The following PRRC2B variants were observed in gnomAD, a reference collection of about 807,000 sequenced individuals.
PRRC2B encodes the protein protein PRRC2B.
A neutral mutation model predicts 242.3 loss-of-function variants in PRRC2B; 68 were observed. The ratio of observed to expected loss-of-function variants is 0.28; its 90% CI spans 0.23 to 0.34. PRRC2B has a LOEUF of 0.34. PRRC2B is among the 10% of genes least tolerant of loss of function. PRRC2B has a pLI of 1.00. For missense variants in PRRC2B, 2,835 were observed against 2,954.8 expected (o/e 0.96, Z 0.94); for synonymous variants, 1,228 against 1,173.6 (o/e 1.05, Z -0.95).
chr9:131,475,946 G>A lies in PRRC2B; in HGVS notation c.3817G>A (p.Asp1273Asn), dbSNP rs201425705. 6.2e-7 allele frequency: 1 copy of A among 1,613,848 alleles called. No homozygotes were observed. The highest frequency in any genetic ancestry group is 1.7e-5 in the Admixed American group (1 of 60,034). The change falls in exon 16 of 32, where the codon GAC (aspartate) becomes AAC (asparagine). Residue 1273 changes from aspartate (D) to asparagine (N), a missense_variant. This residue lies in a region of PRRC2B where 1,536 missense variants were observed against 1,483.1 expected (regional missense o/e 1.04). Coordinates refer to ENST00000683519, the MANE Select transcript of PRRC2B (RefSeq NM_013318.4). ...CGCATTTGGTGGCCGGGGCTTTGAG[G>A]ACAGCCGCGCGGAGGACAAGAGATC... is the stretch of plus-strand genomic sequence containing the variant. ...PDAFGGRGFE[D>N]SRAEDKRSFF...
At chr9:131,394,369 C>T (rs904060092) in intron 1 of PRRC2B, 106 bp downstream of exon 1, 1 of 145,850 alleles carries the variant, frequency 6.9e-6, no homozygotes, top group African/African-American at 2.5e-5. Context: ...GCCGGGGGCC[C>T]GGGGGCCCTG....
intron 1 of PRRC2B, among the ~76,000 whole-genome samples, chr9:131,421,520 T>C (rs1331655230): frequency 1.3e-5 from 2 of 152,200 alleles, no homozygotes; most frequent in Admixed American, 1.3e-4. Flanking sequence ...GGAATCATGA[T>C]TTTTGGTATG....
chr9:131,435,440 C>T (rs1427564750), intron 3 of PRRC2B, among the ~76,000 whole-genome samples: 1 of 151,940 alleles, frequency 6.6e-6, no homozygotes, highest in African/African-American at 2.4e-5. Context: ...CATGTTGAAA[C>T]CCCGTCTCTG....
chr9:131,489,639 C>T lies in PRRC2B; in HGVS notation c.6225+1543C>T, dbSNP rs939580209. Among the ~76,000 whole-genome samples, 6 of 152,280 alleles carry T rather than the reference C, an allele frequency of 3.9e-5. 1 individual carries two copies. In the South Asian group the frequency reaches 1.0e-3, roughly 26 times the overall value. ...CTTTTCAGACTTGCATCTTGCCCCT[C>T]GCTGCCTCCCACCCATGACCTCCCT... On this transcript the variant is annotated intron_variant, in intron 28 of 31. Coordinates refer to ENST00000683519, the MANE Select transcript of PRRC2B (RefSeq NM_013318.4).
chr9:131,435,002 T>TA (rs1268618248), intron 3 of PRRC2B, among the ~76,000 whole-genome samples: 2 of 151,960 alleles, frequency 1.3e-5, no homozygotes, highest in Non-Finnish European at 2.9e-5. Context: ...AGATATGTAT[T>TA]AAAAAAAATT....
intron 4 of PRRC2B, among the ~76,000 whole-genome samples, chr9:131,438,308 T>C (rs1838440763): frequency 6.6e-6 from 1 of 152,162 alleles, no homozygotes; most frequent in Admixed American, 6.5e-5. Context: ...GGTCCTGCTG[T>C]TCTGCATCTG....
intron 31 of PRRC2B, 23 bp from the exon 32 acceptor site, chr9:131,495,717 T>A (rs979418307): frequency 1.3e-6 from 2 of 1,590,818 alleles, no homozygotes; most frequent in African/African-American, 2.7e-5. Flanking sequence ...GTCACTTTGT[T>A]TTTCCCATTC....
chr9:131,451,189 G>A (rs1026829777), intron 9 of PRRC2B, among the ~76,000 whole-genome samples: 23 of 152,148 alleles, frequency 1.5e-4, no homozygotes, highest in Admixed American at 1.5e-3. Context: ...CACAAGATCA[G>A]GAGATTGAGA....
intron 3 of PRRC2B, among the ~76,000 whole-genome samples, chr9:131,433,855 T>C (rs996614187): frequency 3.9e-5 from 6 of 152,250 alleles, no homozygotes; most frequent in Admixed American, 1.3e-4. Flanking sequence ...TGAGCTAGTT[T>C]AGTTATTCAG....
At chr9:131,426,526 A>G (rs1273573469) in intron 1 of PRRC2B, among the ~76,000 whole-genome samples, 1 of 151,788 alleles carries the variant, frequency 6.6e-6, no homozygotes, top group Non-Finnish European at 1.5e-5. Context: ...TGGGACAGCA[A>G]CTCCCTGGAC....
At chr9:131,384,650 C>T (rs889520446) in intron 1 of PRRC2B, among the ~76,000 whole-genome samples, 9 of 149,084 alleles carry the variant, frequency 6.0e-5, no homozygotes, top group East Asian at 6.0e-4. Context: ...GAACTCTTGA[C>T]CTTGTGATCC....
intron 1 of PRRC2B, among the ~76,000 whole-genome samples, chr9:131,373,989 G>A (rs1228043490): frequency 6.6e-6 from 1 of 151,562 alleles, no homozygotes; most frequent in Admixed American, 6.6e-5. Flanking sequence ...AACCCGGGAG[G>A]CGGAGCTTGC....
chr9:131,483,604 A>G (rs1355550082), intron 23 of PRRC2B, among the ~76,000 whole-genome samples, 159 bp downstream of exon 23: 1 of 152,172 alleles, frequency 6.6e-6, no homozygotes, highest in African/African-American at 2.4e-5. Flanking sequence ...GTTCCTGCCC[A>G]GGTTTTGTGA....
At chr9:131,426,337 C>CAAA (rs5900939) in intron 1 of PRRC2B, among the ~76,000 whole-genome samples, 1 of 84,460 alleles carries the variant, frequency 1.2e-5, no homozygotes, top group African/African-American at 4.2e-5. Context: ...AACTCTGTCT[C>CAAA]AAAAAAAAAA....
chr9:131,460,693 C>T (rs1943217261), intron 11 of PRRC2B, among the ~76,000 whole-genome samples: 1 of 152,200 alleles, frequency 6.6e-6, no homozygotes, highest in African/African-American at 2.4e-5. Flanking sequence ...GTAATCTACT[C>T]TCACCTGGTT....
chr9:131,469,051 A>G (rs763316263), intron 13 of PRRC2B, among the ~76,000 whole-genome samples: 1 of 152,136 alleles, frequency 6.6e-6, no homozygotes, highest in Non-Finnish European at 1.5e-5. Flanking sequence ...TTAAGAATAG[A>G]AGGAATTGCC....
chr9:131,399,866 A>G (rs771571918), intron 1 of PRRC2B, among the ~76,000 whole-genome samples: 1 of 152,138 alleles, frequency 6.6e-6, no homozygotes, highest in Non-Finnish European at 1.5e-5. Flanking sequence ...ATTCGTAGAC[A>G]TTTAGATTAT....
chr9:131,482,736 C>T lies in PRRC2B; in HGVS notation c.5202C>T (p.Ser1734=). ...QKDSEQGSGQ[S]KEHRPGPIGN... ...ATTCAGAACAAGGCTCTGGACAGAG[C>T]AAGGAGCACAGACCAGGACCCATCG... Residue 1734 remains serine, a synonymous_variant, in exon 22 of 32, where the codon AGC becomes AGT. Transcript: ENST00000683519. This position sits in a 1 kb window ranked among gnomAD's most constrained non-coding sequence, Gnocchi z 5.2. The T allele has an allele frequency of 6.2e-7, 1 of 1,604,094 alleles. No homozygotes were observed. The highest frequency in any genetic ancestry group is 8.5e-7 in the Non-Finnish European group (1 of 1,175,824).
At chr9:131,436,002 A>G (rs1015999679) in intron 3 of PRRC2B, among the ~76,000 whole-genome samples, 1 of 152,218 alleles carries the variant, frequency 6.6e-6, no homozygotes, top group Non-Finnish European at 1.5e-5. Context: ...TACTATGAGC[A>G]TGTATTTCTT....
Sources: gnomAD v4.1 joint callset for allele counts (sites outside exome capture counted in the v4.1 genomes callset) on GRCh38, gnomAD v4.1.1 for gene constraint, gnomAD v4.1.1 regional missense constraint, Gnocchi (gnomAD v3.1) non-coding constraint, MANE v1.5 for transcripts, NCBI Gene and HGNC (gene_info 2026-07-23, HGNC 2026-07-21) for gene names.